LRRIQ1: variants seen among roughly 807,000 people sequenced by gnomAD.
LRRIQ1 encodes the protein leucine rich repeats and IQ motif containing 1.
In LRRIQ1, 210 loss-of-function variants were observed where a neutral mutation model predicts 211.9. That is an observed-to-expected ratio of 0.99 (90% CI 0.89 to 1.11). The LOEUF is 1.11. Among genes scored for constraint, LRRIQ1 ranks in the 50% most tolerant of loss-of-function variants. LRRIQ1 has a pLI of 0.00. For missense variants in LRRIQ1, 2,136 were observed against 1,939.5 expected, an observed-to-expected ratio of 1.10 and a Z score of -1.90; for synonymous variants, 699 against 650.1, an observed-to-expected ratio of 1.08 and a Z score of -1.14.
chr12:85,214,932 C>T (rs1894007102), intron 24 of LRRIQ1, among the ~76,000 whole-genome samples: 1 of 152,026 alleles, frequency 6.6e-6, no homozygotes, highest in Admixed American at 6.6e-5. Context: ...GTATTTGCTA[C>T]ACAAACCAAC....
chr12:85,197,952 A>G (rs1364159446), intron 24 of LRRIQ1, among the ~76,000 whole-genome samples: 1 of 111,378 alleles, frequency 9.0e-6, no homozygotes, highest in African/African-American at 3.6e-5. Context: ...TTTATATATA[A>G]TTATATATTA....
intron 24 of LRRIQ1, among the ~76,000 whole-genome samples, chr12:85,206,458 G>A (rs559556942): frequency 1.3e-5 from 2 of 152,138 alleles, no homozygotes; most frequent in Admixed American, 6.5e-5. Context: ...GTGGTGCAGT[G>A]GCAGTAAGGG....
At chr12:85,207,945 A>T (rs1448965674) in intron 24 of LRRIQ1, among the ~76,000 whole-genome samples, 1 of 151,798 alleles carries the variant, frequency 6.6e-6, no homozygotes, top group Non-Finnish European at 1.5e-5. Flanking sequence ...AACACTCTTT[A>T]TCTTAAATAA....
chr12:85,188,791 C>G (rs1892350816), intron 24 of LRRIQ1, among the ~76,000 whole-genome samples: 1 of 152,092 alleles, frequency 6.6e-6, no homozygotes, highest in South Asian at 2.1e-4. Flanking sequence ...CTGTTTAAAG[C>G]CAGTGTCCTT....
intron 24 of LRRIQ1, among the ~76,000 whole-genome samples, chr12:85,198,947 CT>C (rs1190594336): frequency 6.6e-6 from 1 of 152,116 alleles, no homozygotes; most frequent in African/African-American, 2.4e-5. Context: ...CCTTTGCCCA[CT>C]TTTTAATGGG....
At position 85,152,236 on chromosome 12, in the gene LRRIQ1, G is replaced by A. The variant is rs777739423; in HGVS notation, c.4330-44G>A. On this transcript the variant is annotated intron_variant, in intron 19 of 26. Transcript: ENST00000393217. ...ATGAATTAAAAGAAACATTGTAAAA[G>A]TTATGTAAGCTAAATTACATACATT... is the stretch of plus-strand genomic sequence containing the variant. 2.1e-4 allele frequency: 306 copies of A among 1,488,284 alleles called. 1 individual carries two copies. The South Asian group carries it at 2.4e-3, about 12-fold the overall frequency. The allele number at this position is 1,488,284 out of a possible 1,614,324, so 92.2% of individuals were successfully genotyped here.
At chr12:85,105,403 T>C (rs958572899) in intron 14 of LRRIQ1, among the ~76,000 whole-genome samples, 1 of 152,166 alleles carries the variant, frequency 6.6e-6, no homozygotes, top group Non-Finnish European at 1.5e-5. Flanking sequence ...ATTTTTTATA[T>C]GGATATCGAA....
In LRRIQ1 at chr12:85,072,990, C is replaced by T. The variant is rs776279340; in HGVS notation, c.2779C>T (p.Leu927=). The change falls in exon 11 of 27, where the codon CTG becomes TTG. Residue 927 remains leucine (L), a synonymous_variant. Transcript: ENST00000393217. ...GGGCACCTCCACTTCTTACTTATCC[C>T]TGGCACAAGTCTGGATTCCAACTGG... The part of the protein sequence containing the change: ...HLGTSTSYLS[L]AQVWIPTGLC... 2 of 1,612,804 alleles carry T rather than the reference C, an allele frequency of 1.2e-6. No homozygotes were observed. The highest frequency in any genetic ancestry group is 2.2e-5 in the South Asian group (2 of 91,020).
chr12:85,170,264 G>GTATA (rs35828890), intron 24 of LRRIQ1, among the ~76,000 whole-genome samples: 31 of 147,876 alleles, frequency 2.1e-4, no homozygotes, highest in Admixed American at 3.4e-4. Flanking sequence ...TGTGCATATT[G>GTATA]TATATATATA....
chr12:85,130,430 A>G (rs1368292236), intron 18 of LRRIQ1, among the ~76,000 whole-genome samples: 2 of 152,238 alleles, frequency 1.3e-5, no homozygotes, highest in Non-Finnish European at 2.9e-5. Flanking sequence ...GACAGTAAAC[A>G]ACTATTCAAC....
intron 15 of LRRIQ1, among the ~76,000 whole-genome samples, chr12:85,115,466 A>G (rs987921085): frequency 9.2e-5 from 14 of 152,222 alleles, no homozygotes; most frequent in African/African-American, 3.4e-4. Flanking sequence ...ATATCCAAGC[A>G]AACTAAATAT....
downstream of LRRIQ1, among the ~76,000 whole-genome samples, chr12:85,268,888 G>C (rs1215853779): frequency 2.0e-5 from 3 of 151,820 alleles, no homozygotes; most frequent in Non-Finnish European, 4.4e-5. Flanking sequence ...AATAAACAAC[G>C]CTATAAGGAA....
At chr12:85,088,131 G>A (rs1476496324) in intron 11 of LRRIQ1, among the ~76,000 whole-genome samples, 2 of 152,054 alleles carry the variant, frequency 1.3e-5, no homozygotes, top group South Asian at 2.1e-4. Flanking sequence ...TATAAGGTGT[G>A]AGGAAGGGAT....
intron 23 of LRRIQ1, among the ~76,000 whole-genome samples, chr12:85,155,801 T>C (rs1445499264): frequency 6.6e-6 from 1 of 151,724 alleles, no homozygotes; most frequent in Non-Finnish European, 1.5e-5. Flanking sequence ...TATAGGTCTT[T>C]CTTGCCAACT....
intron 15 of LRRIQ1, among the ~76,000 whole-genome samples, chr12:85,107,687 A>T (rs903473712): frequency 1.3e-5 from 2 of 151,854 alleles, no homozygotes; most frequent in African/African-American, 2.4e-5. Context: ...GAATTATCCC[A>T]GGAGTTGCTG....
chr12:85,140,272 TTC>T (rs1889438905), intron 19 of LRRIQ1, among the ~76,000 whole-genome samples: 1 of 151,322 alleles, frequency 6.6e-6, no homozygotes, highest in Non-Finnish European at 1.5e-5. Flanking sequence ...AGAAGTCAGT[TTC>T]TCTTCTTTCT....
chr12:85,237,928 C>G (rs144678001), intron 26 of LRRIQ1, among the ~76,000 whole-genome samples: 2 of 151,784 alleles, frequency 1.3e-5, no homozygotes, highest in Non-Finnish European at 2.9e-5. Context: ...GGAAAATGAG[C>G]CTTGTAAGAA....
chr12:85,122,704 G>A (rs1229411839), intron 16 of LRRIQ1, among the ~76,000 whole-genome samples: 1 of 151,794 alleles, frequency 6.6e-6, no homozygotes, highest in Non-Finnish European at 1.5e-5. Flanking sequence ...AAATATTTTT[G>A]AACATAGTCT....
At chr12:85,105,075 A>T (rs766868267) in intron 14 of LRRIQ1, among the ~76,000 whole-genome samples, 3 of 151,998 alleles carry the variant, frequency 2.0e-5, no homozygotes, top group Non-Finnish European at 4.4e-5. Context: ...GTGTTTCACC[A>T]TTTTGGAAAT....
Sources: gnomAD v4.1 joint callset for allele counts (sites outside exome capture counted in the v4.1 genomes callset) on GRCh38, gnomAD v4.1.1 for gene constraint, MANE v1.5 for transcripts, NCBI Gene and HGNC (gene_info 2026-07-23, HGNC 2026-07-21) for gene names.